Variants in MAST4 observed in about 807,000 individuals in gnomAD.
MAST4 encodes the protein microtubule-associated serine/threonine-protein kinase 4.
Under a neutral mutation model 162.7 loss-of-function variants are expected in MAST4, and 89 were observed. The observed-to-expected ratio is 0.55, with a 90% CI of 0.46 to 0.65. The LOEUF (loss-of-function observed/expected upper bound fraction) is 0.65. Among genes scored for constraint, MAST4 ranks in the 30% least tolerant of loss-of-function variants. The pLI, the probability that MAST4 is intolerant of heterozygous loss-of-function variation, is 0.00. For missense variants in MAST4, 3,153 were observed against 3,374.0 expected (o/e 0.93, Z 1.62); for synonymous variants, 1,479 against 1,361.1 (o/e 1.09, Z -1.91).
At chr5:66,883,120 G>A (rs1360340814) in intron 3 of MAST4, among the ~76,000 whole-genome samples, 2 of 152,290 alleles carry the variant, frequency 1.3e-5, no homozygotes, top group Non-Finnish European at 2.9e-5. Context: ...ACTCTTCAAA[G>A]GAAAGAAGAG....
At chr5:67,134,730 G>A (rs368681190) in intron 18 of MAST4, 42 bp downstream of exon 18, 49 of 1,517,206 alleles carry the variant, frequency 3.2e-5, no homozygotes, top group Non-Finnish European at 4.0e-5. Context: ...CTGTTGGGAA[G>A]CAGCTATTTA....
At chr5:67,102,936 A>AT (rs906511422) in intron 9 of MAST4, among the ~76,000 whole-genome samples, 109 of 152,258 alleles carry the variant, frequency 7.2e-4, no homozygotes, top group African/African-American at 2.6e-3. Context: ...CTGTACCCAT[A>AT]TTCTGGGCCT....
At chr5:66,740,224 C>G (rs1210312143) in intron 1 of MAST4, among the ~76,000 whole-genome samples, 1 of 152,160 alleles carries the variant, frequency 6.6e-6, no homozygotes, top group Non-Finnish European at 1.5e-5. Flanking sequence ...TTAAAAGAGA[C>G]AGCAGAGGCT....
Position 66,767,083 on chromosome 5 carries a change from G to T in MAST4, c.517+7221G>T, listed in dbSNP as rs554348159. 1.1e-3 allele frequency among the ~76,000 whole-genome samples: 163 copies of T among 152,082 alleles called. 1 individual carries two copies. The highest frequency in any genetic ancestry group is 3.7e-3 in the African/African-American group (153 of 41,476). On this transcript the variant is annotated intron_variant, in intron 2 of 28. Transcript: ENST00000403625. ...GAGAAACCCTTCTGACTTCTTAAAA[G>T]TCCCAGCCTGGAAGAGACATGCTAA... is the stretch of plus-strand genomic sequence containing the variant.
At chr5:66,840,796 T>A (rs1043373745) in intron 3 of MAST4, among the ~76,000 whole-genome samples, 1 of 152,164 alleles carries the variant, frequency 6.6e-6, no homozygotes, top group Non-Finnish European at 1.5e-5. Context: ...CTGACCTACG[T>A]GAACCTGTAG....
chr5:66,746,121 A>G (rs1752743737), intron 1 of MAST4, among the ~76,000 whole-genome samples: 1 of 152,184 alleles, frequency 6.6e-6, no homozygotes, highest in South Asian at 2.1e-4. Flanking sequence ...GATGATTTTT[A>G]GGTCCTTTCC....
intron 1 of MAST4, among the ~76,000 whole-genome samples, chr5:66,710,304 T>G (rs1750413058): frequency 6.6e-6 from 1 of 152,236 alleles, no homozygotes; most frequent in Non-Finnish European, 1.5e-5. Context: ...AGGCAGTGTC[T>G]GTTTTATAAT....
At position 66,764,311 on chromosome 5, in the gene MAST4, C is replaced by G. The variant is rs115398066; in HGVS notation, c.517+4449C>G. 2.3e-3 allele frequency among the ~76,000 whole-genome samples: 353 copies of G among 152,278 alleles called. 2 individuals are homozygous for G. The highest frequency in any genetic ancestry group is 8.1e-3 in the African/African-American group (335 of 41,554). On this transcript the variant is annotated intron_variant, in intron 2 of 28. Transcript: ENST00000403625. The stretch of plus-strand genomic sequence containing the variant: ...TATGAAAGACAGGAGCATGAGAGGG[C>G]AAGTTCTCCTGTACAGGCACATTTC...
At chr5:67,072,228 T>C (rs562905552) in intron 5 of MAST4, among the ~76,000 whole-genome samples, 3 of 152,352 alleles carry the variant, frequency 2.0e-5, no homozygotes, top group African/African-American at 7.2e-5. Context: ...GTAAGAATTA[T>C]TTACTGTGAA....
At chr5:67,078,668 TTTATA>T (rs1056363555) in intron 5 of MAST4, among the ~76,000 whole-genome samples, 26 of 138,502 alleles carry the variant, frequency 1.9e-4, no homozygotes, top group East Asian at 8.0e-4. Flanking sequence ...TTATTTTATA[TTTATA>T]TTATATTTAT....
intron 4 of MAST4, chr5:66,959,430 AT>A: frequency 1.4e-6 from 1 of 692,174 alleles, no homozygotes; most frequent in Non-Finnish European, 2.7e-6. Context: ...CATGTCTTAA[AT>A]GCATGGCATT....
intron 4 of MAST4, among the ~76,000 whole-genome samples, chr5:66,976,766 T>A (rs998356988): frequency 6.6e-6 from 1 of 152,342 alleles, no homozygotes; most frequent in East Asian, 1.9e-4. Flanking sequence ...TCTTTACCCA[T>A]GACCTTTATG....
In MAST4 at chr5:67,110,184, G is replaced by T. The variant is rs757375697; in HGVS notation, c.1443G>T (p.Arg481=). The T allele has an allele frequency of 6.2e-6, 10 of 1,612,912 alleles. No homozygotes were observed. Among genetic ancestry groups the T allele is most frequent in the Non-Finnish European group, 7.6e-6 (9 of 1,178,954 alleles). The stretch of plus-strand genomic sequence containing the variant: ...TAATTGTTATTGCCCGCCCTGCTCG[G>T]TTATTAGAGTGCCTGGTAAGTTGCC... ...KILIVIARPA[R]LLECLEFDPE... is the part of the protein sequence containing the mutation. Residue 481 remains arginine (R), a synonymous_variant, in exon 11 of 29, where the codon CGG becomes CGT. Coordinates refer to ENST00000403625, the MANE Select transcript of MAST4 (RefSeq NM_001164664.2).
chr5:67,024,433 T>A (rs924957718), intron 4 of MAST4, among the ~76,000 whole-genome samples: 1 of 151,392 alleles, frequency 6.6e-6, no homozygotes, highest in African/African-American at 2.4e-5. Context: ...AGCATATATA[T>A]GGAAGGTGCA....
At chr5:67,123,660 A>G (rs1242748566) in intron 14 of MAST4, among the ~76,000 whole-genome samples, 3 of 152,208 alleles carry the variant, frequency 2.0e-5, no homozygotes, top group African/African-American at 4.8e-5. Context: ...TAGAGGTCCT[A>G]CCTCTTCCAG....
intron 1 of MAST4, among the ~76,000 whole-genome samples, chr5:66,677,457 T>C (rs1310778503): frequency 6.6e-6 from 1 of 152,210 alleles, no homozygotes; most frequent in African/African-American, 2.4e-5. Context: ...ATATCCATTT[T>C]GCATTTGCTC....
At chr5:66,865,643 T>G (rs1348909694) in intron 3 of MAST4, among the ~76,000 whole-genome samples, 1 of 152,180 alleles carries the variant, frequency 6.6e-6, no homozygotes, top group Non-Finnish European at 1.5e-5. Context: ...GACTGAAAGT[T>G]TAGGACACAA....
chr5:66,820,433 C>T (rs1242875816), intron 3 of MAST4, among the ~76,000 whole-genome samples: 2 of 152,164 alleles, frequency 1.3e-5, no homozygotes, highest in African/African-American at 4.8e-5. Flanking sequence ...CATCTATTCT[C>T]TTCTTAATCT....
At chr5:66,794,631 T>G (rs1317816386) in intron 3 of MAST4, among the ~76,000 whole-genome samples, 1 of 152,196 alleles carries the variant, frequency 6.6e-6, no homozygotes, top group Non-Finnish European at 1.5e-5. Flanking sequence ...TGTTTCTTTC[T>G]TTCTTATCTT....
Sources: gnomAD v4.1 joint callset for allele counts (sites outside exome capture counted in the v4.1 genomes callset) on GRCh38, gnomAD v4.1.1 for gene constraint, MANE v1.5 for transcripts, NCBI Gene and HGNC (gene_info 2026-07-23, HGNC 2026-07-21) for gene names.